Variants in ERAP1 observed in about 807,000 individuals in gnomAD.
ERAP1 encodes adipocyte-derived leucine aminopeptidase.
Under a neutral mutation model 103.7 loss-of-function variants are expected in ERAP1, and 86 were observed. The ratio of observed to expected loss-of-function variants is 0.83; its 90% confidence interval spans 0.70 to 0.99. ERAP1 has a LOEUF of 0.99. Ranked by LOEUF, ERAP1 falls within the 50% of genes least tolerant of loss-of-function variation. ERAP1 has a pLI of 0.00. For missense variants in ERAP1, 1,009 were observed against 1,128.4 expected (o/e 0.89, Z 1.52); for synonymous variants, 398 against 402.4 (o/e 0.99, Z 0.13).
At chr5:96,888,210 T>TG in the ERAP1 span, among the ~76,000 whole-genome samples, 1 of 152,132 alleles carries the variant, frequency 6.6e-6, no homozygotes, top group African/African-American at 2.4e-5. Flanking sequence ...ACATATGTAT[T>TG]ATGTTCATGA....
At chr5:96,770,614 A>G, downstream of ERAP1, 1 of 1,575,254 alleles carries the variant, frequency 6.3e-7, no homozygotes. Flanking sequence ...TAAATGGAGC[A>G]GTAAATATAC....
chr5:96,836,021 C>T, the ERAP1 span, among the ~76,000 whole-genome samples: 3 of 152,230 alleles, frequency 2.0e-5, no homozygotes, highest in African/African-American at 7.2e-5. Flanking sequence ...CAACTTCTCT[C>T]CATGGTTAAT....
chr5:96,827,685 A>G, the ERAP1 span, among the ~76,000 whole-genome samples: 1 of 151,964 alleles, frequency 6.6e-6, no homozygotes, highest in East Asian at 1.9e-4. Context: ...ATAAATAAAT[A>G]AAAACGTTTT....
the ERAP1 span, among the ~76,000 whole-genome samples, chr5:96,863,057 A>AT: frequency 5.9e-5 from 9 of 152,114 alleles, no homozygotes; most frequent in South Asian, 2.1e-4. Context: ...TTTTTTTTAC[A>AT]TAAGTATTTC....
At chr5:96,822,174 CTTGCTT>C in the ERAP1 span, among the ~76,000 whole-genome samples, 119 of 152,326 alleles carry the variant, frequency 7.8e-4, no homozygotes, top group African/African-American at 2.7e-3. Flanking sequence ...TTTCATTTAT[CTTGCTT>C]CTAATCAGGC....
chr5:96,844,732 T>G, the ERAP1 span, among the ~76,000 whole-genome samples: 1 of 152,210 alleles, frequency 6.6e-6, no homozygotes. Flanking sequence ...GAAAAGAGAA[T>G]GCTAAAAACA....
At chr5:96,850,931 C>T in the ERAP1 span, among the ~76,000 whole-genome samples, 1 of 152,194 alleles carries the variant, frequency 6.6e-6, no homozygotes, top group Non-Finnish European at 1.5e-5. Flanking sequence ...TACACGTTAA[C>T]ATCCCAGGGT....
intron 18 of ERAP1, among the ~76,000 whole-genome samples, chr5:96,778,367 T>C (rs563767039): frequency 1.2e-3 from 181 of 152,294 alleles, no homozygotes; most frequent in South Asian, 7.2e-3. Context: ...GGGAAGGTGA[T>C]CTGAGCCGAG....
At chr5:96,910,649 T>G in the ERAP1 span, among the ~76,000 whole-genome samples, 1 of 152,216 alleles carries the variant, frequency 6.6e-6, no homozygotes, top group African/African-American at 2.4e-5. Flanking sequence ...ACAGTAGATA[T>G]AAGTGTTCAA....
chr5:96,824,606 G>A, the ERAP1 span, among the ~76,000 whole-genome samples: 3 of 152,060 alleles, frequency 2.0e-5, no homozygotes, highest in African/African-American at 7.3e-5. Flanking sequence ...CCTCACACAT[G>A]CTATTCTCTC....
the ERAP1 span, chr5:96,935,290 C>T: frequency 1.3e-5 from 2 of 152,370 alleles, no homozygotes; most frequent in Non-Finnish European, 2.9e-5. Flanking sequence ...CTAGAGGCCG[C>T]AAGGCAGCCG....
the ERAP1 span, among the ~76,000 whole-genome samples, chr5:96,815,521 C>T: frequency 6.7e-6 from 1 of 150,182 alleles, no homozygotes; most frequent in South Asian, 2.1e-4. Context: ...AAGCGATTCT[C>T]CTGCCTCAGC....
the ERAP1 span, among the ~76,000 whole-genome samples, chr5:96,832,735 G>A: frequency 3.3e-4 from 50 of 152,252 alleles, no homozygotes; most frequent in African/African-American, 1.0e-3. Context: ...ATCATTGTAC[G>A]TACAAAGAGA....
the ERAP1 span, among the ~76,000 whole-genome samples, chr5:96,922,483 T>A: frequency 6.6e-6 from 1 of 152,192 alleles, no homozygotes; most frequent in Non-Finnish European, 1.5e-5. Flanking sequence ...ATAATTTTAT[T>A]TTCTTTCTAT....
chr5:96,832,925 G>A, the ERAP1 span, among the ~76,000 whole-genome samples: 1 of 152,276 alleles, frequency 6.6e-6, no homozygotes, highest in African/African-American at 2.4e-5. Context: ...GACTAATTAG[G>A]TCATGAAGGT....
At chr5:96,769,507 GT>G (rs554597082), downstream of ERAP1, 135 of 151,748 alleles carry the variant, frequency 8.9e-4, 2 homozygotes, top group African/African-American at 3.0e-3. Context: ...CAACATGGTA[GT>G]TTGGGATGCA....
At chr5:96,911,882 G>GAAAAAAAA in the ERAP1 span, among the ~76,000 whole-genome samples, 1 of 109,654 alleles carries the variant, frequency 9.1e-6, no homozygotes, top group Non-Finnish European at 1.8e-5. Context: ...AAAAAAAAAA[G>GAAAAAAAA]AAAGAAAGAA....
the ERAP1 span, among the ~76,000 whole-genome samples, chr5:96,929,133 A>G: frequency 0.035 from 5,325 of 152,266 alleles, 170 homozygotes; most frequent in South Asian, 0.1. Flanking sequence ...TAAAACCCCC[A>G]AGTCAAGGGC....
At chr5:96,882,297 T>C in the ERAP1 span, among the ~76,000 whole-genome samples, 6 of 152,208 alleles carry the variant, frequency 3.9e-5, no homozygotes, top group African/African-American at 1.4e-4. Context: ...GATACTATTC[T>C]GGGAGCTGTG....
Sources: allele counts gnomAD v4.1 joint callset (sites outside exome capture counted in the v4.1 genomes callset), GRCh38; gene constraint gnomAD v4.1.1; transcripts MANE v1.5; gene names NCBI Gene and HGNC (gene_info 2026-07-23, HGNC 2026-07-21).